CARS2: variants seen among roughly 807,000 people sequenced by gnomAD.
The protein encoded by CARS2 is probable cysteine--tRNA ligase, mitochondrial.
Under a neutral mutation model 68.8 loss-of-function variants are expected in CARS2, and 52 were observed. The ratio of observed to expected loss-of-function variants is 0.76; its 90% confidence interval spans 0.61 to 0.95. The LOEUF is 0.95. Among genes scored for constraint, CARS2 ranks in the 40% least tolerant of loss-of-function variants. CARS2 has a pLI of 0.00. For missense variants in CARS2, 780 were observed against 754.2 expected (o/e 1.03, Z -0.40); for synonymous variants, 314 against 303.6 (o/e 1.03, Z -0.36).
At chr13:110,664,328 C>A in intron 8 of CARS2, 1 of 397,286 alleles carries the variant, frequency 2.5e-6, no homozygotes, top group Non-Finnish European at 3.4e-6. Context: ...GGCAACATGG[C>A]AACACCCGGT....
chr13:110,650,796 G>T, intron 10 of CARS2: 1 of 479,066 alleles, frequency 2.1e-6, no homozygotes. Flanking sequence ...CCAGAGAGAA[G>T]GAGTGGAGAG....
intron 3 of CARS2, among the ~76,000 whole-genome samples, chr13:110,696,125 C>CT (rs1158893198): frequency 6.6e-6 from 1 of 152,218 alleles, no homozygotes; most frequent in African/African-American, 2.4e-5. Context: ...TTTTCTATGG[C>CT]TGCACAGTAT....
intron 6 of CARS2, chr13:110,677,929 A>T (rs2063014469): frequency 6.6e-6 from 1 of 152,392 alleles, no homozygotes. Flanking sequence ...CCACCAGGGA[A>T]ATCCAGCCGG....
chr13:110,650,996 G>A (rs756838592), intron 10 of CARS2, 38 bp downstream of exon 10: 14 of 1,501,720 alleles, frequency 9.3e-6, no homozygotes, highest in Non-Finnish European at 1.3e-5. Context: ...CTGTCTCCGA[G>A]CTGGGGGGGG....
intron 6 of CARS2, chr13:110,678,242 A>G (rs1225010200): frequency 6.6e-6 from 1 of 152,230 alleles, no homozygotes; most frequent in African/African-American, 2.4e-5. Context: ...TTTTCCAAAA[A>G]GATACTAATC....
chr13:110,665,459 A>G lies in CARS2; in HGVS notation c.919+1881T>C, dbSNP rs1292677960. On this transcript the variant is annotated intron_variant, in intron 8 of 14. Transcript: ENST00000257347. The surrounding 1 kb of genome is among the most constrained non-coding windows in gnomAD (Gnocchi z 4.3). The stretch of plus-strand genomic sequence containing the variant: ...GAAATTGTTTCAACAACAACAGCAA[A>G]TGCTTTCCCATTCCCACATCGGAAG... 4.1e-6 allele frequency: 4 copies of G among 985,392 alleles called. No individual in the cohort carries two copies. The highest frequency in any genetic ancestry group is 3.5e-5 in the African/African-American group (2 of 57,248). 61.0% of individuals were successfully genotyped at this position (985,392 alleles called of 1,614,324 possible).
In CARS2 at chr13:110,676,258, G is replaced by A. The variant is rs952599499; in HGVS notation, c.785+716C>T. Among the ~76,000 whole-genome samples the A allele has an allele frequency of 6.6e-6, 1 of 152,228 alleles. No individual in the cohort carries two copies. The highest frequency in any genetic ancestry group is 2.4e-5 in the African/African-American group (1 of 41,476). On this transcript the variant is annotated intron_variant, in intron 7 of 14. Transcript: ENST00000257347. This position sits in a 1 kb window ranked among gnomAD's most constrained non-coding sequence, Gnocchi z 4.0. ...GCTGTCTTTCACACACCCCACCCAAGGTGCCCCTGGCTGTGGGCAGAGCCA... is the reference window on the plus strand; with the variant it reads ...GCTGTCTTTCACACACCCCACCCAAAGTGCCCCTGGCTGTGGGCAGAGCCA...
At chr13:110,713,474 C>T (rs1041958473) in exon 1 of CARS2, 4 of 989,204 alleles carry the variant, frequency 4.0e-6, no homozygotes, top group African/African-American at 3.5e-5. Flanking sequence ...GTCCACACCC[C>T]AGCGGCCCTG....
At chr13:110,664,496 C>T in intron 8 of CARS2, 5 of 675,082 alleles carry the variant, frequency 7.4e-6, no homozygotes, top group Non-Finnish European at 9.1e-6. Context: ...CAGCCTGGGC[C>T]ACAGAGCGAG....
chr13:110,693,832 G>A (rs2063545974), intron 3 of CARS2, among the ~76,000 whole-genome samples: 1 of 151,958 alleles, frequency 6.6e-6, no homozygotes, highest in African/African-American at 2.4e-5. Context: ...TAGCTCTAAC[G>A]ATCGTAAATC....
At chr13:110,711,129 G>C (rs1012672640), upstream of CARS2, among the ~76,000 whole-genome samples, 1 of 152,146 alleles carries the variant, frequency 6.6e-6, no homozygotes, top group African/African-American at 2.4e-5. Context: ...AGGGAAAGGC[G>C]TAATTTTCCT....
intron 13 of CARS2, 78 bp downstream of exon 13, chr13:110,644,307 C>T: frequency 6.9e-7 from 1 of 1,450,440 alleles, no homozygotes. Context: ...ATGCTCTATT[C>T]CAAGTTAAAA....
At position 110,705,676 on chromosome 13, in the gene CARS2, G is replaced by A; in HGVS notation, c.225-105C>T. 6.8e-7 allele frequency: 1 copy of A among 1,465,462 alleles called. No individual in the cohort carries two copies. Among genetic ancestry groups the A allele is most frequent in the Non-Finnish European group, 9.4e-7 (1 of 1,064,378 alleles). 90.8% of individuals were successfully genotyped at this position (1,465,462 alleles called of 1,614,324 possible). A position where few individuals can be genotyped will look rare whatever the true frequency, so the allele number is the denominator to read the frequency against. ...AATTTTTAAAGTAATCACTTCTGGG[G>A]GATGAATAGCCGGGGTTTTCATACT... On this transcript the variant is annotated intron_variant, in intron 1 of 14. Transcript: ENST00000257347. This position sits in a 1 kb window ranked among gnomAD's most constrained non-coding sequence, Gnocchi z 4.0.
At chr13:110,709,304 G>A (rs373738408), upstream of CARS2, among the ~76,000 whole-genome samples, 1 of 151,972 alleles carries the variant, frequency 6.6e-6, no homozygotes, top group African/African-American at 2.4e-5. Flanking sequence ...ATGTTAGTCA[G>A]GCTGGTCTTG....
chr13:110,669,084 C>T (rs564330923), intron 7 of CARS2, among the ~76,000 whole-genome samples: 2 of 152,088 alleles, frequency 1.3e-5, no homozygotes, highest in African/African-American at 4.8e-5. Context: ...ATGCTTCCTA[C>T]TAACAACAGG....
At chr13:110,654,228 C>T (rs2062302788) in intron 9 of CARS2, among the ~76,000 whole-genome samples, 1 of 152,198 alleles carries the variant, frequency 6.6e-6, no homozygotes, top group Non-Finnish European at 1.5e-5. Flanking sequence ...CTCTACTGGG[C>T]CAGGCCCTAG....
At chr13:110,699,298 G>A (rs2063716050) in intron 3 of CARS2, among the ~76,000 whole-genome samples, 1 of 152,206 alleles carries the variant, frequency 6.6e-6, no homozygotes, top group Non-Finnish European at 1.5e-5. Flanking sequence ...CCAAACAGCA[G>A]CCCACCACTG....
upstream of CARS2, among the ~76,000 whole-genome samples, chr13:110,710,258 C>T (rs79529687): frequency 0.01 from 1,594 of 152,144 alleles, 25 homozygotes; most frequent in African/African-American, 0.036. Flanking sequence ...GTCCGGCACC[C>T]GTAATCCCAG....
In CARS2 at chr13:110,665,814, G is replaced by A. The variant is rs1162424118; in HGVS notation, c.919+1526C>T. ...AAGAAACCCAAGTGAACCCTGCTGC[G>A]GACCAGAAAACCGGAGCACTTCTGC... On this transcript the variant is annotated intron_variant, in intron 8 of 14. Coordinates refer to ENST00000257347, the MANE Select transcript of CARS2 (RefSeq NM_024537.4). This position sits in a 1 kb window ranked among gnomAD's most constrained non-coding sequence, Gnocchi z 4.3. 39 of 985,218 alleles carry A rather than the reference G, an allele frequency of 4.0e-5. 1 individual carries two copies. In the Admixed American group the frequency reaches 1.3e-3, roughly 33 times the overall value. 61.0% of individuals were successfully genotyped at this position (985,218 alleles called of 1,614,324 possible). A position where few individuals can be genotyped will look rare whatever the true frequency, so the allele number is the denominator to read the frequency against.
Sources: allele counts gnomAD v4.1 joint callset (sites outside exome capture counted in the v4.1 genomes callset), GRCh38; gene constraint gnomAD v4.1.1; non-coding constraint Gnocchi (gnomAD v3.1); transcripts MANE v1.5; gene names NCBI Gene and HGNC (gene_info 2026-07-23, HGNC 2026-07-21).